The following ANGPT1 variants were observed in gnomAD, a reference collection of about 807,000 sequenced individuals.
ANGPT1 encodes the protein angiopoietin-1.
ANGPT1 carries 17 observed loss-of-function variants against 62.2 expected under a neutral mutation model. The observed-to-expected ratio is 0.27, with a 90% confidence interval of 0.19 to 0.41. The LOEUF is 0.41. Ranked by LOEUF, ANGPT1 falls within the 10% of genes least tolerant of loss-of-function variation. The pLI is 1.00. For synonymous variants in ANGPT1, 199 were observed against 198.9 expected (o/e 1.00, Z 0.00); for missense variants, 478 against 594.9 (o/e 0.80, Z 2.04).
chr8:107,336,574 A>G (rs1405412755), intron 2 of ANGPT1: 1 of 191,272 alleles, frequency 5.2e-6, no homozygotes, highest in Non-Finnish European at 1.0e-5. Flanking sequence ...CTGACGCAGG[A>G]GAATGGCGTG....
chr8:107,334,641 T>C lies in ANGPT1; in HGVS notation c.575+1509A>G, dbSNP rs1188782186. Among the ~76,000 whole-genome samples the C allele has an allele frequency of 7.2e-5, 11 of 152,316 alleles. No individual in the cohort carries two copies. In the East Asian group the frequency reaches 2.1e-3, roughly 29 times the overall value. On this transcript the variant is annotated intron_variant, in intron 3 of 8. Coordinates refer to ENST00000517746, the MANE Select transcript of ANGPT1 (RefSeq NM_001146.5). Reference sequence around the variant, plus strand: ...TTGTCATCGTTTTACTTATCCATGATTCCTGGGCAAAGCCTTCACAAATAG... The same window carrying C: ...TTGTCATCGTTTTACTTATCCATGACTCCTGGGCAAAGCCTTCACAAATAG...
At chr8:107,414,099 T>C (rs989060635) in intron 1 of ANGPT1, among the ~76,000 whole-genome samples, 2 of 152,164 alleles carry the variant, frequency 1.3e-5, no homozygotes, top group African/African-American at 4.8e-5. Flanking sequence ...GGGTTTATGA[T>C]ACCTTGAACA....
chr8:107,446,785 C>T (rs1811634944), intron 1 of ANGPT1, among the ~76,000 whole-genome samples: 1 of 152,176 alleles, frequency 6.6e-6, no homozygotes, highest in African/African-American at 2.4e-5. Flanking sequence ...TAAATATCTT[C>T]TATATGCTTG....
intron 1 of ANGPT1, among the ~76,000 whole-genome samples, chr8:107,367,407 G>A (rs1307631485): frequency 6.6e-6 from 1 of 152,182 alleles, no homozygotes; most frequent in Non-Finnish European, 1.5e-5. Flanking sequence ...TTGTCTTGAT[G>A]TTGATGACTG....
At chr8:107,378,794 G>A (rs1816578839) in intron 1 of ANGPT1, among the ~76,000 whole-genome samples, 1 of 152,064 alleles carries the variant, frequency 6.6e-6, no homozygotes, top group South Asian at 2.1e-4. Context: ...CTTCCACCAT[G>A]ATTGTAAGTT....
At chr8:107,344,671 T>A (rs1310438541) in intron 2 of ANGPT1, among the ~76,000 whole-genome samples, 1 of 152,206 alleles carries the variant, frequency 6.6e-6, no homozygotes, top group Non-Finnish European at 1.5e-5. Flanking sequence ...TTAAAATATA[T>A]TGGAAAGACA....
At chr8:107,425,542 C>G (rs998732952) in intron 1 of ANGPT1, among the ~76,000 whole-genome samples, 4 of 152,180 alleles carry the variant, frequency 2.6e-5, no homozygotes, top group African/African-American at 9.7e-5. Flanking sequence ...TAGATAACAT[C>G]ACACTGCTCC....
chr8:107,408,697 T>C (rs1817200079), intron 1 of ANGPT1, among the ~76,000 whole-genome samples: 1 of 152,178 alleles, frequency 6.6e-6, no homozygotes, highest in Non-Finnish European at 1.5e-5. Flanking sequence ...AGTGCAGATT[T>C]AGTTTAAGGC....
chr8:107,314,518 C>T (rs144543747), intron 4 of ANGPT1, among the ~76,000 whole-genome samples: 17 of 152,186 alleles, frequency 1.1e-4, no homozygotes, highest in African/African-American at 2.9e-4. Flanking sequence ...GCAGATAACA[C>T]GCTCCATCAA....
chr8:107,497,040 A>G (rs1369657204), intron 1 of ANGPT1, among the ~76,000 whole-genome samples: 1 of 152,224 alleles, frequency 6.6e-6, no homozygotes, highest in African/African-American at 2.4e-5. Flanking sequence ...CCAGGGCTAG[A>G]CACACAAACG....
chr8:107,418,988 A>T (rs1233770813), intron 1 of ANGPT1, among the ~76,000 whole-genome samples: 1 of 152,234 alleles, frequency 6.6e-6, no homozygotes, highest in African/African-American at 2.4e-5. Context: ...CTCTTCTGAT[A>T]CAGAAAGTTA....
At chr8:107,325,535 G>A (rs1003335375) in intron 3 of ANGPT1, among the ~76,000 whole-genome samples, 4 of 152,088 alleles carry the variant, frequency 2.6e-5, no homozygotes, top group Non-Finnish European at 5.9e-5. Flanking sequence ...GAAATAAGAT[G>A]GGCACTGGCC....
intron 1 of ANGPT1, among the ~76,000 whole-genome samples, chr8:107,405,415 C>A (rs1198395866): frequency 6.6e-6 from 1 of 151,898 alleles, no homozygotes; most frequent in East Asian, 1.9e-4. Context: ...GCTTCAAAAT[C>A]TGAAAATTTT....
intron 5 of ANGPT1, among the ~76,000 whole-genome samples, chr8:107,301,349 T>C (rs1036686177): frequency 6.6e-6 from 1 of 151,922 alleles, no homozygotes; most frequent in Non-Finnish European, 1.5e-5. Context: ...AGGTCTTGAG[T>C]AGTACTGTAG....
intron 1 of ANGPT1, among the ~76,000 whole-genome samples, chr8:107,409,546 C>T (rs1817216865): frequency 6.6e-6 from 1 of 152,096 alleles, no homozygotes; most frequent in African/African-American, 2.4e-5. Context: ...CTCAGTTATC[C>T]CTTCCTTGAG....
At chr8:107,380,781 C>T (rs553226328) in intron 1 of ANGPT1, among the ~76,000 whole-genome samples, 1 of 152,266 alleles carries the variant, frequency 6.6e-6, no homozygotes, top group Admixed American at 6.5e-5. Flanking sequence ...TCAAGTAGGG[C>T]AGAGCCACAG....
intron 1 of ANGPT1, among the ~76,000 whole-genome samples, chr8:107,485,207 A>T (rs1812784264): frequency 6.6e-6 from 1 of 152,188 alleles, no homozygotes; most frequent in South Asian, 2.1e-4. Flanking sequence ...CAATGCCCGC[A>T]CACCACACAT....
chr8:107,474,832 C>T (rs1812470057), intron 1 of ANGPT1, among the ~76,000 whole-genome samples: 1 of 152,100 alleles, frequency 6.6e-6, no homozygotes, highest in African/African-American at 2.4e-5. Context: ...CTCCCATTCA[C>T]AATTGCTTCA....
chr8:107,323,059 T>A (rs1161236817), intron 3 of ANGPT1, among the ~76,000 whole-genome samples: 1 of 152,194 alleles, frequency 6.6e-6, no homozygotes, highest in Non-Finnish European at 1.5e-5. Context: ...GATGGTATGG[T>A]CTTCTGAAAG....
Sources: gnomAD v4.1 joint callset for allele counts (sites outside exome capture counted in the v4.1 genomes callset) on GRCh38, gnomAD v4.1.1 for gene constraint, MANE v1.5 for transcripts, NCBI Gene and HGNC (gene_info 2026-07-23, HGNC 2026-07-21) for gene names.